The following ACTL6A variants were observed in gnomAD, a reference collection of about 807,000 sequenced individuals.
ACTL6A encodes the protein actin like 6A.
ACTL6A carries 5 observed loss-of-function variants against 59.2 expected under a neutral mutation model. That is an observed-to-expected ratio of 0.08 (90% CI 0.04 to 0.18). The LOEUF (loss-of-function observed/expected upper bound fraction) is 0.18. Ranked by LOEUF, ACTL6A falls within the 10% of genes least tolerant of loss-of-function variation. ACTL6A has a pLI of 1.00. For missense variants in ACTL6A, 285 were observed against 526.9 expected (o/e 0.54, Z 4.49); for synonymous variants, 154 against 171.8 (o/e 0.90, Z 0.81).
intron 12 of ACTL6A, chr3:179,584,268 C>T (rs992513678): frequency 2.6e-4 from 39 of 152,238 alleles, no homozygotes; most frequent in African/African-American, 8.9e-4. Context: ...TAGAAAAACT[C>T]GGTTTGAGAA....
chr3:179,583,187 C>G (rs749193318), intron 11 of ACTL6A, 166 bp from the exon 12 acceptor site: 57 of 472,080 alleles, frequency 1.2e-4, no homozygotes, highest in Non-Finnish European at 2.0e-4. Flanking sequence ...AATGTACAGC[C>G]AGGATGGAGA....
chr3:179,569,535 G>A (rs1717939737), intron 1 of ACTL6A, among the ~76,000 whole-genome samples: 1 of 152,176 alleles, frequency 6.6e-6, no homozygotes, highest in South Asian at 2.1e-4. Flanking sequence ...CTAGGTTCAA[G>A]TGAGTAATAA....
chr3:179,567,823 CAA>C (rs1236899100), intron 1 of ACTL6A, among the ~76,000 whole-genome samples: 1 of 152,096 alleles, frequency 6.6e-6, no homozygotes, highest in African/African-American at 2.4e-5. Context: ...AGAAATGTAA[CAA>C]ATACGTAAAC....
chr3:179,578,568 G>A (rs1157064538), intron 8 of ACTL6A, among the ~76,000 whole-genome samples: 1 of 152,124 alleles, frequency 6.6e-6, no homozygotes, highest in Non-Finnish European at 1.5e-5. Context: ...GCAGTGAGCT[G>A]TGATTGTACC....
rs1181983080 is a variant in ACTL6A, at chr3:179,570,684, A to G, written c.277+443A>G. Among the ~76,000 whole-genome samples the G allele has an allele frequency of 6.6e-6, 1 of 152,250 alleles. No homozygotes were observed. Among genetic ancestry groups the G allele is most frequent in the East Asian group, 1.9e-4 (1 of 5,196 alleles). On this transcript the variant is annotated intron_variant, in intron 3 of 13. Coordinates refer to ENST00000429709, the MANE Select transcript of ACTL6A (RefSeq NM_004301.5). The surrounding 1 kb of genome is among the most constrained non-coding windows in gnomAD (Gnocchi z 4.3). Reference sequence around the variant, plus strand: ...ATGTGTGAAGGGATGGAATTGTGAAAGAAACTTATGTGCTTGAAAATGTAA... The same window carrying G: ...ATGTGTGAAGGGATGGAATTGTGAAGGAAACTTATGTGCTTGAAAATGTAA...
intron 4 of ACTL6A, among the ~76,000 whole-genome samples, 199 bp downstream of exon 4, chr3:179,573,668 A>G (rs561629293): frequency 6.6e-6 from 1 of 152,188 alleles, no homozygotes; most frequent in South Asian, 2.1e-4. Context: ...CAATAAATAA[A>G]ATATCCAGAG....
At chr3:179,566,883 G>A (rs1430029628) in intron 1 of ACTL6A, among the ~76,000 whole-genome samples, 2 of 152,036 alleles carry the variant, frequency 1.3e-5, no homozygotes, top group African/African-American at 4.8e-5. Context: ...TAGAGTTGGG[G>A]TTTCACCATG....
At chr3:179,563,143 A>C (rs1470579169) in intron 1 of ACTL6A, 26 bp downstream of exon 1, 2 of 1,608,286 alleles carry the variant, frequency 1.2e-6, no homozygotes, top group Non-Finnish European at 1.7e-6. Flanking sequence ...CGGACGAGAG[A>C]GCGCGCCTTT....
At chr3:179,574,887 A>G (rs560804294) in intron 5 of ACTL6A, 57 of 177,364 alleles carry the variant, frequency 3.2e-4, no homozygotes, top group African/African-American at 1.3e-3. Flanking sequence ...CTTCCCTGCT[A>G]TTTGCTTCTC....
chr3:179,582,148 A>G (rs947111104), intron 11 of ACTL6A, among the ~76,000 whole-genome samples: 7 of 152,236 alleles, frequency 4.6e-5, no homozygotes, highest in African/African-American at 1.7e-4. Context: ...CAATAGTAGT[A>G]TAAGTTTGGG....
rs1260612211 is a variant in ACTL6A, at chr3:179,576,317, T to C, written c.571+6T>C. 2 of 1,584,670 alleles carry C rather than the reference T, an allele frequency of 1.3e-6. No individual in the cohort carries two copies. Among genetic ancestry groups the C allele is most frequent in the East Asian group, 4.5e-5 (2 of 44,616 alleles). On this transcript the variant is annotated splice_donor_region_variant and intron_variant, in intron 6 of 13. Coordinates refer to ENST00000429709, the MANE Select transcript of ACTL6A (RefSeq NM_004301.5). The stretch of plus-strand genomic sequence containing the variant: ...TGGCTATGTCCTTCAACAAGGTAAA[T>C]GTATTTAACCAGGATACACTGAGAT...
At chr3:179,575,554 T>C in intron 5 of ACTL6A, 1 of 413,610 alleles carries the variant, frequency 2.4e-6, no homozygotes, top group East Asian at 7.0e-5. Context: ...GCACCAGACT[T>C]AGTAGACACC....
chr3:179,565,967 T>G (rs940526163), intron 1 of ACTL6A, among the ~76,000 whole-genome samples: 8 of 152,070 alleles, frequency 5.3e-5, no homozygotes, highest in Non-Finnish European at 1.2e-4. Flanking sequence ...AGATAAGAGC[T>G]CGATTGAAGG....
chr3:179,563,301 C>T (rs529119376), intron 1 of ACTL6A, 184 bp downstream of exon 1: 20 of 1,022,826 alleles, frequency 2.0e-5, no homozygotes, highest in Admixed American at 2.8e-5. Flanking sequence ...TCGCCGTGCT[C>T]CTCGGGCTCC....
At chr3:179,581,944 T>G (rs1197804561) in intron 11 of ACTL6A, among the ~76,000 whole-genome samples, 1 of 152,214 alleles carries the variant, frequency 6.6e-6, no homozygotes, top group Non-Finnish European at 1.5e-5. Flanking sequence ...AATGAGGACT[T>G]ACTTTATCTT....
chr3:179,563,154 T>A, intron 1 of ACTL6A, 37 bp downstream of exon 1: 1 of 1,600,454 alleles, frequency 6.2e-7, no homozygotes, highest in Non-Finnish European at 8.5e-7. Flanking sequence ...GCGCGCCTTT[T>A]CGGCGTGTGG....
chr3:179,567,765 A>G (rs971360840), intron 1 of ACTL6A, among the ~76,000 whole-genome samples: 23 of 152,344 alleles, frequency 1.5e-4, no homozygotes, highest in African/African-American at 5.5e-4. Context: ...AGTTTCTGAC[A>G]AAATAATTTG....
chr3:179,579,455 T>TATACACACACACACACACAC (rs1553778005), intron 8 of ACTL6A, among the ~76,000 whole-genome samples: 2 of 145,052 alleles, frequency 1.4e-5, no homozygotes, highest in Admixed American at 7.0e-5. Context: ...TTATATCATA[T>TATACACACACACACACACAC]ACACACACAC....
At chr3:179,573,568 T>A in intron 4 of ACTL6A, 99 bp downstream of exon 4, 1 of 767,614 alleles carries the variant, frequency 1.3e-6, no homozygotes, top group Non-Finnish European at 2.0e-6. Flanking sequence ...CATTTTTCTT[T>A]AAAGAGGCAT....
Sources: allele counts gnomAD v4.1 joint callset (sites outside exome capture counted in the v4.1 genomes callset), GRCh38; gene constraint gnomAD v4.1.1; non-coding constraint Gnocchi (gnomAD v3.1); transcripts MANE v1.5; gene names NCBI Gene and HGNC (gene_info 2026-07-23, HGNC 2026-07-21).